The following KAZN variants were observed in gnomAD, a reference collection of about 807,000 sequenced individuals.
KAZN encodes the protein kazrin, periplakin interacting protein, also known as kazrin.
A neutral mutation model predicts 87.4 loss-of-function variants in KAZN; 40 were observed. The observed-to-expected ratio is 0.46, with a 90% CI of 0.36 to 0.60. KAZN has a LOEUF of 0.60. Ranked by LOEUF, KAZN falls within the 20% of genes least tolerant of loss-of-function variation. KAZN has a pLI of 0.00. For missense variants in KAZN, 898 were observed against 1,073.9 expected (o/e 0.84, Z 2.29); for synonymous variants, 466 against 458.3 (o/e 1.02, Z -0.22).
chr1:14,211,534 TA>T (rs1486454856), intron 2 of KAZN, among the ~76,000 whole-genome samples: 1 of 152,198 alleles, frequency 6.6e-6, no homozygotes, highest in Non-Finnish European at 1.5e-5. Flanking sequence ...TATCTTTTTT[TA>T]ATTTGTAATT....
chr1:15,034,965 C>T, intron 3 of KAZN, 80 bp downstream of exon 3: 1 of 1,540,620 alleles, frequency 6.5e-7, no homozygotes, highest in Non-Finnish European at 8.9e-7. Flanking sequence ...CCTTCACAGG[C>T]TCTGCCTCTT....
intron 1 of KAZN, among the ~76,000 whole-genome samples, chr1:14,899,577 T>A (rs1335201126): frequency 6.6e-6 from 1 of 152,198 alleles, no homozygotes; most frequent in African/African-American, 2.4e-5. Flanking sequence ...CCTATCCGTA[T>A]GGTAGACATC....
At chr1:14,008,228 A>G (rs1640123806) in intron 1 of KAZN, among the ~76,000 whole-genome samples, 1 of 152,194 alleles carries the variant, frequency 6.6e-6, no homozygotes, top group East Asian at 1.9e-4. Context: ...ATAACTTCCC[A>G]TGAATTCTCC....
chr1:15,110,549 T>TTTTGTGTGTGTG lies in KAZN; in HGVS notation c.2049-1877_2049-1876insTTGTGTGTGTGT, dbSNP rs138391066. Among the ~76,000 whole-genome samples the TTTTGTGTGTGTG allele has an allele frequency of 1.6e-3, 233 of 148,076 alleles. 2 individuals are homozygous for TTTTGTGTGTGTG. The highest frequency in any genetic ancestry group is 5.6e-3 in the African/African-American group (217 of 38,910). On this transcript the variant is annotated intron_variant, in intron 13 of 14. Transcript: ENST00000376030. ...TGTGTTTGTGTGTGTGCATATGTGTTTGTGTGTGTGTGTGTGTGTATCCTC... is the reference window on the plus strand; with the variant it reads ...TGTGTTTGTGTGTGTGCATATGTGTTTTTGTGTGTGTGTGTGTGTGTGTGTGTGTGTATCCTC...
chr1:14,888,711 C>T lies in KAZN; in HGVS notation c.227-71973C>T, dbSNP rs545978088. Among the ~76,000 whole-genome samples the T allele has an allele frequency of 3.9e-5, 6 of 152,186 alleles. No homozygotes were observed. In the South Asian group the frequency reaches 8.3e-4, roughly 21 times the overall value. On this transcript the variant is annotated intron_variant, in intron 1 of 14. Coordinates refer to ENST00000376030, the MANE Select transcript of KAZN (RefSeq NM_201628.3). ...TCAGTTAGGATAGGATCACTTATGC[C>T]GCCGTGACAAATGACCCCAACATCT...
At chr1:14,868,755 G>GA (rs1046276344) in intron 1 of KAZN, among the ~76,000 whole-genome samples, 1 of 151,672 alleles carries the variant, frequency 6.6e-6, no homozygotes, top group African/African-American at 2.4e-5. Context: ...GGGGTGGGGG[G>GA]ATCTCTTGAG....
intron 1 of KAZN, among the ~76,000 whole-genome samples, chr1:14,699,978 C>T (rs1004375766): frequency 1.4e-4 from 22 of 152,038 alleles, no homozygotes; most frequent in Admixed American, 1.3e-4. Flanking sequence ...GGAAATTGCA[C>T]GTGCAAAGGC....
chr1:14,161,621 T>C (rs1645711715), intron 1 of KAZN, among the ~76,000 whole-genome samples: 1 of 152,194 alleles, frequency 6.6e-6, no homozygotes, highest in Non-Finnish European at 1.5e-5. Flanking sequence ...AATATCTTGT[T>C]GGTTACACAG....
At chr1:14,635,774 C>T (rs913647800) in intron 1 of KAZN, among the ~76,000 whole-genome samples, 1 of 152,190 alleles carries the variant, frequency 6.6e-6, no homozygotes, top group African/African-American at 2.4e-5. Context: ...ACATCTGGTG[C>T]TGCTGATATC....
chr1:14,808,150 T>C (rs1046900421), intron 1 of KAZN, among the ~76,000 whole-genome samples: 5 of 152,184 alleles, frequency 3.3e-5, no homozygotes, highest in South Asian at 2.1e-4. Context: ...TGAATAGAGA[T>C]TGTGAGCATG....
At chr1:14,824,050 G>T (rs887443047) in intron 1 of KAZN, among the ~76,000 whole-genome samples, 1 of 150,726 alleles carries the variant, frequency 6.6e-6, no homozygotes, top group Non-Finnish European at 1.5e-5. Flanking sequence ...GGAGGCGGAG[G>T]TTGCAGTGAG....
intron 1 of KAZN, among the ~76,000 whole-genome samples, chr1:14,070,652 T>G (rs1442717472): frequency 6.6e-6 from 1 of 152,210 alleles, no homozygotes; most frequent in African/African-American, 2.4e-5. Flanking sequence ...ACTTACCATA[T>G]ATGTGTGCTA....
chr1:14,398,981 C>CCA (rs1663143085), intron 2 of KAZN, among the ~76,000 whole-genome samples: 1 of 152,134 alleles, frequency 6.6e-6, no homozygotes, highest in Admixed American at 6.5e-5. Context: ...ATTCCCCCCT[C>CCA]CACTCATGGC....
At chr1:14,617,061 TGACTCCGTTC>T in intron 1 of KAZN, among the ~76,000 whole-genome samples, 1 of 152,354 alleles carries the variant, frequency 6.6e-6, no homozygotes, top group African/African-American at 2.4e-5. Flanking sequence ...CTTGGTTGTG[TGACTCCGTTC>T]CTTTCACTGG....
At chr1:14,850,037 G>C (rs1280562613) in intron 1 of KAZN, among the ~76,000 whole-genome samples, 1 of 150,688 alleles carries the variant, frequency 6.6e-6, no homozygotes, top group Non-Finnish European at 1.5e-5. Flanking sequence ...CCAAGTTCAA[G>C]CGATTCTCCT....
intron 2 of KAZN, among the ~76,000 whole-genome samples, chr1:14,536,551 T>C (rs1235340821): frequency 6.6e-6 from 1 of 151,912 alleles, no homozygotes; most frequent in Non-Finnish European, 1.5e-5. Flanking sequence ...AGCTCAGAAA[T>C]GAAAAACAGG....
At chr1:14,078,064 G>A (rs1028819547) in intron 1 of KAZN, among the ~76,000 whole-genome samples, 5 of 152,148 alleles carry the variant, frequency 3.3e-5, no homozygotes, top group Non-Finnish European at 5.9e-5. Context: ...GATCTGTTAC[G>A]GTGGCCCTAG....
intron 1 of KAZN, among the ~76,000 whole-genome samples, chr1:14,742,694 G>A (rs1644142919): frequency 6.6e-6 from 1 of 152,120 alleles, no homozygotes. Context: ...CACCCCATCT[G>A]GCAAGATGCA....
intron 2 of KAZN, among the ~76,000 whole-genome samples, chr1:14,353,382 C>A (rs1658722433): frequency 6.6e-6 from 1 of 151,976 alleles, no homozygotes; most frequent in Non-Finnish European, 1.5e-5. Context: ...TGCCACCACG[C>A]CCGGCTAATT....
Sources: gnomAD v4.1 joint callset for allele counts (sites outside exome capture counted in the v4.1 genomes callset) on GRCh38, gnomAD v4.1.1 for gene constraint, MANE v1.5 for transcripts, NCBI Gene and HGNC (gene_info 2026-07-23, HGNC 2026-07-21) for gene names.